MEGF11: variants seen among roughly 807,000 people sequenced by gnomAD.
MEGF11 encodes the protein multiple EGF like domains 11.
Under a neutral mutation model 146.6 loss-of-function variants are expected in MEGF11, and 126 were observed. That is an observed-to-expected ratio of 0.86 (90% CI 0.74 to 1.00). The LOEUF (loss-of-function observed/expected upper bound fraction) is 1.00, where lower values mean the gene tolerates loss of function less well. Ranked by LOEUF, MEGF11 falls within the 50% of genes least tolerant of loss-of-function variation. The probability of loss-of-function intolerance (pLI) is 0.00; values close to 1 mark genes in which losing one functional copy is unlikely to be tolerated. For synonymous variants in MEGF11, 532 were observed against 583.4 expected, an observed-to-expected ratio of 0.91 and a Z score of 1.27; for missense variants, 1,509 against 1,521.2, an observed-to-expected ratio of 0.99 and a Z score of 0.13.
chr15:66,032,827 T>A (rs182594636), intron 5 of MEGF11, among the ~76,000 whole-genome samples: 77 of 152,240 alleles, frequency 5.1e-4, no homozygotes, highest in African/African-American at 1.8e-3. Flanking sequence ...AAAGACAGAA[T>A]TTATGATTAA....
chr15:65,911,682 AT>A (rs1196282059), intron 21 of MEGF11, among the ~76,000 whole-genome samples: 1 of 152,178 alleles, frequency 6.6e-6, no homozygotes, highest in African/African-American at 2.4e-5. Flanking sequence ...AAGTGCTGGG[AT>A]TACAGGCGTG....
intron 5 of MEGF11, among the ~76,000 whole-genome samples, chr15:66,029,675 C>T (rs2083451937): frequency 1.3e-5 from 2 of 152,190 alleles, no homozygotes; most frequent in Non-Finnish European, 2.9e-5. Flanking sequence ...GGCCACCTGC[C>T]CCCTACTCAA....
At chr15:66,208,410 C>A (rs962217427) in intron 1 of MEGF11, among the ~76,000 whole-genome samples, 5 of 151,200 alleles carry the variant, frequency 3.3e-5, no homozygotes, top group African/African-American at 4.9e-5. Context: ...AAATAATCCC[C>A]AAGAAGACCA....
intron 1 of MEGF11, among the ~76,000 whole-genome samples, chr15:66,248,799 A>G (rs1421551930): frequency 1.3e-5 from 2 of 152,182 alleles, no homozygotes; most frequent in Admixed American, 6.5e-5. Flanking sequence ...ATCTCACCCA[A>G]ATGTTTGAGA....
At position 65,934,818 on chromosome 15, in the gene MEGF11, C is replaced by T. The variant is rs143047590; in HGVS notation, c.1288-3875G>A. Among the ~76,000 whole-genome samples the T allele has an allele frequency of 1.2e-3, 180 of 152,236 alleles. 1 individual carries two copies. The highest frequency in any genetic ancestry group is 2.7e-3 in the Admixed American group (41 of 15,296). On this transcript the variant is annotated intron_variant, in intron 10 of 25. Coordinates refer to ENST00000395614, the MANE Select transcript of MEGF11 (RefSeq NM_001385028.1). ...GAGATAGCTGAACATATGGAGGTTC[C>T]GGGAAGATTGTGCACCTGGAGAGGG...
intron 1 of MEGF11, among the ~76,000 whole-genome samples, chr15:66,135,497 A>C (rs2088848815): frequency 6.6e-6 from 1 of 152,202 alleles, no homozygotes; most frequent in Non-Finnish European, 1.5e-5. Flanking sequence ...AGAGGGTAGT[A>C]GACCCAGGAT....
In MEGF11 at chr15:66,123,262, T is replaced by C. The variant is rs2088142485; in HGVS notation, c.200+637A>G. Among the ~76,000 whole-genome samples the C allele has an allele frequency of 2.6e-5, 4 of 152,202 alleles. No homozygotes were observed. In the South Asian group the frequency reaches 8.3e-4, roughly 32 times the overall value. On this transcript the variant is annotated intron_variant, in intron 3 of 25. Coordinates refer to ENST00000395614, the MANE Select transcript of MEGF11 (RefSeq NM_001385028.1). ...AGACTGCCATGTGCAGTTGTTCATG[T>C]TGAGCACTGCTAAGGAAAGCCTGGT...
intron 5 of MEGF11, among the ~76,000 whole-genome samples, chr15:66,087,158 C>T (rs918941757): frequency 2.0e-5 from 3 of 152,132 alleles, no homozygotes; most frequent in African/African-American, 7.2e-5. Context: ...AACACTGGAG[C>T]TCCCAAATTT....
At chr15:66,086,727 C>A (rs1290509508) in intron 5 of MEGF11, among the ~76,000 whole-genome samples, 1 of 152,192 alleles carries the variant, frequency 6.6e-6, no homozygotes, top group East Asian at 1.9e-4. Context: ...ATAAATCACA[C>A]AGGACCTATA....
intron 10 of MEGF11, among the ~76,000 whole-genome samples, chr15:65,951,369 T>A (rs573092479): frequency 6.6e-6 from 1 of 152,332 alleles, no homozygotes; most frequent in African/African-American, 2.4e-5. Flanking sequence ...TAGTGTCAGT[T>A]ACCTGAGGTC....
At chr15:66,055,476 C>T (rs769325316) in intron 5 of MEGF11, among the ~76,000 whole-genome samples, 16 of 152,360 alleles carry the variant, frequency 1.1e-4, no homozygotes, top group Middle Eastern at 3.4e-3. Flanking sequence ...CATAATTGCA[C>T]GAGGGTGCCT....
In MEGF11 at chr15:65,929,781, A is replaced by G. The variant is rs750911542; in HGVS notation, c.1511T>C (p.Ile504Thr). ...AGGAGTGCAGGAGCAGGAGCCGTCT[A>G]TGGGGCTGCAGGCTGCCCCATTGGC... ...TCANGAACSP[I>T]DGSCSCTPGW... is the part of the protein sequence containing the mutation. Residue 504 changes from isoleucine (I) to threonine (T), a missense_variant, in exon 12 of 26, where the codon ATA becomes ACA. Ile to Thr is a moderately conservative substitution (Grantham distance 89). Coordinates refer to ENST00000395614, the MANE Select transcript of MEGF11 (RefSeq NM_001385028.1). The G allele has an allele frequency of 2.1e-5, 32 of 1,560,152 alleles. No homozygotes were observed. Among genetic ancestry groups the G allele is most frequent in the Non-Finnish European group, 2.6e-5 (30 of 1,152,074 alleles).
intron 1 of MEGF11, among the ~76,000 whole-genome samples, chr15:66,152,853 C>T (rs946211189): frequency 3.3e-5 from 5 of 152,220 alleles, no homozygotes; most frequent in African/African-American, 1.2e-4. Flanking sequence ...GCCCCAGGAC[C>T]GGGCATGGGA....
chr15:66,095,888 AC>A (rs1400377902), intron 4 of MEGF11, among the ~76,000 whole-genome samples: 3 of 152,176 alleles, frequency 2.0e-5, no homozygotes, highest in African/African-American at 7.2e-5. Context: ...GAAGCGGCTA[AC>A]CCAGTGCTGG....
At chr15:66,051,827 T>C (rs1421617753) in intron 5 of MEGF11, among the ~76,000 whole-genome samples, 2 of 152,206 alleles carry the variant, frequency 1.3e-5, no homozygotes, top group African/African-American at 2.4e-5. Context: ...AGGTGCTCAT[T>C]TAGACTCCAG....
chr15:65,970,227 A>T (rs184221646), intron 8 of MEGF11, among the ~76,000 whole-genome samples: 141 of 152,256 alleles, frequency 9.3e-4, no homozygotes, highest in Admixed American at 1.3e-3. Context: ...GTGATTTTGT[A>T]CTCTCAGCTT....
chr15:66,240,891 A>G (rs2092195726), intron 1 of MEGF11, among the ~76,000 whole-genome samples: 4 of 152,310 alleles, frequency 2.6e-5, no homozygotes, highest in African/African-American at 7.2e-5. Flanking sequence ...GTGGCATCAG[A>G]AATATTATTA....
At chr15:66,027,007 G>A (rs888378154) in intron 5 of MEGF11, among the ~76,000 whole-genome samples, 2 of 152,180 alleles carry the variant, frequency 1.3e-5, no homozygotes, top group Non-Finnish European at 2.9e-5. Flanking sequence ...CTGCAGTGAT[G>A]TCTTGGTGCC....
At chr15:65,944,429 C>T (rs941053736) in intron 10 of MEGF11, among the ~76,000 whole-genome samples, 12 of 152,106 alleles carry the variant, frequency 7.9e-5, no homozygotes, top group Admixed American at 7.2e-4. Context: ...TGAACAAAGG[C>T]GTGGCAGTGG....
Sources: gnomAD v4.1 joint callset for allele counts (sites outside exome capture counted in the v4.1 genomes callset) on GRCh38, gnomAD v4.1.1 for gene constraint, MANE v1.5 for transcripts, NCBI Gene and HGNC (gene_info 2026-07-23, HGNC 2026-07-21) for gene names.